The following LY9 variants were observed in gnomAD, a reference collection of about 807,000 sequenced individuals.
LY9 encodes lymphocyte antigen 9, also known as T-lymphocyte surface antigen Ly-9.
Under a neutral mutation model 64.6 loss-of-function variants are expected in LY9, and 59 were observed. The observed-to-expected ratio is 0.91, with a 90% confidence interval of 0.74 to 1.13. The LOEUF (loss-of-function observed/expected upper bound fraction) is 1.13, where lower values mean the gene tolerates loss of function less well. Ranked by LOEUF, LY9 falls within the 50% of genes most tolerant of loss-of-function variation. LY9 has a pLI of 0.00. For missense variants in LY9, 789 were observed against 797.2 expected (o/e 0.99, Z 0.12); for synonymous variants, 281 against 308.5 (o/e 0.91, Z 0.93).
rs2101847884 is a variant in LY9, at chr1:160,827,802, G to A, written c.1954G>A (p.Glu652Lys). Residue 652 changes from glutamate (E) to lysine (K), a missense_variant, in exon 10 of 10, where the codon GAA becomes AAA. Transcript: ENST00000263285. ...DLEIPESPTY[E>K]NFT ...TGAGATTCCTGAAAGTCCTACCTATGAAAATTTCACCTGAAAGGAAAAGCA... is the reference window on the plus strand; with the variant it reads ...TGAGATTCCTGAAAGTCCTACCTATAAAAATTTCACCTGAAAGGAAAAGCA... 6.2e-7 allele frequency: 1 copy of A among 1,607,214 alleles called. No homozygotes were observed. Among genetic ancestry groups the A allele is most frequent in the Non-Finnish European group, 8.5e-7 (1 of 1,177,014 alleles).
chr1:160,822,178 G>A (rs764247786), intron 7 of LY9, among the ~76,000 whole-genome samples: 3 of 152,196 alleles, frequency 2.0e-5, no homozygotes, highest in South Asian at 2.1e-4. Context: ...GTTTAGGAGC[G>A]GACGTTCAAT....
Position 160,799,409 on chromosome 1 carries a change from C to A in LY9, c.125-344C>A, listed in dbSNP as rs181284756. 4.8e-4 allele frequency: 93 copies of A among 193,838 alleles called. No homozygotes were observed. The South Asian group carries it at 6.3e-3, about 13-fold the overall frequency. 12.0% of individuals were successfully genotyped at this position (193,838 alleles called of 1,614,324 possible). A position where few individuals can be genotyped will look rare whatever the true frequency, so the allele number is the denominator to read the frequency against. ...CTTTCATTTCATTTTTACCATATCC[C>A]TTGAAGAAAATGGTGCAGGTATGAG... On this transcript the variant is annotated intron_variant, in intron 1 of 9. Coordinates refer to ENST00000263285, the MANE Select transcript of LY9 (RefSeq NM_002348.4).
At chr1:160,798,502 C>T (rs893924084) in intron 1 of LY9, among the ~76,000 whole-genome samples, 1 of 152,172 alleles carries the variant, frequency 6.6e-6, no homozygotes, top group African/African-American at 2.4e-5. Context: ...GGGAAGAGCT[C>T]TCTTTTAGAA....
At chr1:160,810,276 A>G (rs1251558860) in intron 2 of LY9, 2 of 152,250 alleles carry the variant, frequency 1.3e-5, no homozygotes, top group African/African-American at 2.4e-5. Context: ...GGATGCCATA[A>G]CAGAATATCC....
At chr1:160,823,320 CT>C in intron 7 of LY9, 144 bp from the exon 8 acceptor site, 1 of 582,166 alleles carries the variant, frequency 1.7e-6, no homozygotes, top group East Asian at 2.8e-5. Flanking sequence ...AATGGACCCC[CT>C]GAGGGAAGAC....
chr1:160,796,487 G>A (rs969889373), intron 1 of LY9, among the ~76,000 whole-genome samples, 176 bp downstream of exon 1: 4 of 152,056 alleles, frequency 2.6e-5, no homozygotes, highest in Admixed American at 6.5e-5. Context: ...CCACCTCCTG[G>A]GTTCAAGCGA....
At chr1:160,826,205 G>A (rs1668843310) in intron 9 of LY9, among the ~76,000 whole-genome samples, 1 of 152,192 alleles carries the variant, frequency 6.6e-6, no homozygotes, top group African/African-American at 2.4e-5. Flanking sequence ...TCATTAAGTG[G>A]AATTGGATCA....
intron 2 of LY9, chr1:160,812,442 G>A (rs1027290647): frequency 8.0e-5 from 10 of 124,634 alleles, no homozygotes; most frequent in African/African-American, 1.4e-4. Flanking sequence ...TAATTTGACC[G>A]TTTTCATTGA....
At chr1:160,805,755 A>T (rs967632510) in intron 2 of LY9, among the ~76,000 whole-genome samples, 15 of 140,844 alleles carry the variant, frequency 1.1e-4, no homozygotes, top group African/African-American at 3.9e-4. Context: ...ACACACACAC[A>T]CACACACACA....
rs150967542 is a variant in LY9 at position 160,799,827 on chromosome 1, C to T, written c.199C>T (p.Leu67=). ...CCTAGGGGGTTCCGTGACTCTCCCCCTAAACATCTCAGTAGACACAGAGAT... is the reference window on the plus strand; with the variant it reads ...CCTAGGGGGTTCCGTGACTCTCCCCTTAAACATCTCAGTAGACACAGAGAT... The part of the protein sequence containing the change: ...GILGGSVTLP[L]NISVDTEIEN... The change falls in exon 2 of 10, where the codon CTA becomes TTA. Residue 67 remains leucine, a synonymous_variant. Coordinates refer to ENST00000263285, the MANE Select transcript of LY9 (RefSeq NM_002348.4). 370 of 1,614,128 alleles carry T rather than the reference C, an allele frequency of 2.3e-4. 1 individual carries two copies. Among genetic ancestry groups the T allele is most frequent in the Admixed American group, 3.8e-4 (23 of 60,030 alleles).
In LY9 at chr1:160,818,109, C is replaced by A. The variant is rs1242065666; in HGVS notation, c.1343-109C>A. 1.3e-5 allele frequency: 9 copies of A among 713,926 alleles called. No individual in the cohort carries two copies. In the Admixed American group the frequency reaches 2.0e-4, roughly 16 times the overall value. The allele number at this position is 713,926 out of a possible 1,614,324, so 44.2% of individuals were successfully genotyped here. On this transcript the variant is annotated intron_variant, in intron 5 of 9. Transcript: ENST00000263285. ...GAATGAAAAGAAAGACTTTCCACAA[C>A]GTCATGGATTTTAAGGGGCAGGTAG...
At position 160,827,830 on chromosome 1, in the gene LY9, T is replaced by G; in HGVS notation, c.*14T>G. 2.5e-6 allele frequency: 4 copies of G among 1,606,082 alleles called. No homozygotes were observed. The highest frequency in any genetic ancestry group is 3.4e-6 in the Non-Finnish European group (4 of 1,175,776). ...AATTTCACCTGAAAGGAAAAGCAGC[T>G]GCTGCCTCTCTCCTGGGACCGTGGG... On this transcript the variant is annotated 3_prime_UTR_variant, in exon 10 of 10. Coordinates refer to ENST00000263285, the MANE Select transcript of LY9 (RefSeq NM_002348.4).
rs1346778884 is a variant in LY9 at position 160,818,268 on chromosome 1, C to T, written c.1393C>T (p.Leu465Phe). 1 of 1,614,098 alleles carries T rather than the reference C, an allele frequency of 6.2e-7. No individual in the cohort carries two copies. Among genetic ancestry groups the T allele is most frequent in the Non-Finnish European group, 8.5e-7 (1 of 1,179,998 alleles). Residue 465 changes from leucine (L) to phenylalanine (F), a missense_variant, in exon 6 of 10, where the codon CTT becomes TTT. Transcript: ENST00000263285. ...LWIGLFLMVC[L>F]LCVGIFSWCI... ...GATTGGGTTGTTCCTGATGGTTTGC[C>T]TTCTGTGCGTTGGGATCTTCAGCTG... is the stretch of plus-strand genomic sequence containing the variant.
At chr1:160,827,593 T>A (rs1668926872) in intron 9 of LY9, among the ~76,000 whole-genome samples, 155 bp from the exon 10 acceptor site, 1 of 152,206 alleles carries the variant, frequency 6.6e-6, no homozygotes, top group Admixed American at 6.5e-5. Context: ...ATGCTTGGCA[T>A]CAGGCTGGTT....
rs987350248 is a variant in LY9 at position 160,827,974 on chromosome 1, A to G, written c.*158A>G. The G allele has an allele frequency of 1.7e-6, 1 of 590,504 alleles. No individual in the cohort carries two copies. The highest frequency in any genetic ancestry group is 3.0e-6 in the Non-Finnish European group (1 of 332,726). 36.6% of individuals were successfully genotyped at this position (590,504 alleles called of 1,614,324 possible). A position where few individuals can be genotyped will look rare whatever the true frequency, so the allele number is the denominator to read the frequency against. ...CCCCTCCCCCTCCTTCTCACCCTTAAGGACTCCCAAACCCATTAATAGTTC... is the reference window on the plus strand; with the variant it reads ...CCCCTCCCCCTCCTTCTCACCCTTAGGGACTCCCAAACCCATTAATAGTTC... On this transcript the variant is annotated 3_prime_UTR_variant, in exon 10 of 10. Transcript: ENST00000263285.
intron 1 of LY9, among the ~76,000 whole-genome samples, chr1:160,796,757 A>G (rs1433837752): frequency 2.0e-5 from 3 of 152,180 alleles, no homozygotes; most frequent in Non-Finnish European, 1.5e-5. Flanking sequence ...TGCACTATGA[A>G]GGGGGTAACA....
chr1:160,818,543 GGA>G (rs1230783383), intron 6 of LY9, among the ~76,000 whole-genome samples: 2 of 152,202 alleles, frequency 1.3e-5, no homozygotes, highest in East Asian at 1.9e-4. Flanking sequence ...GTGGGAGCAG[GGA>G]GAGTGATTTA....
At chr1:160,824,090 CA>C in intron 8 of LY9, 90 bp from the exon 9 acceptor site, 1 of 1,532,038 alleles carries the variant, frequency 6.5e-7, no homozygotes, top group Non-Finnish European at 8.9e-7. Context: ...GATGGGAAGC[CA>C]GGGGGTATCC....
intron 2 of LY9, chr1:160,809,790 C>T (rs1667325962): frequency 6.6e-6 from 1 of 152,132 alleles, no homozygotes; most frequent in Admixed American, 6.5e-5. Flanking sequence ...TCAAACATTT[C>T]TTTGTTGATA....
Sources: gnomAD v4.1 joint callset for allele counts (sites outside exome capture counted in the v4.1 genomes callset) on GRCh38, gnomAD v4.1.1 for gene constraint, MANE v1.5 for transcripts, NCBI Gene and HGNC (gene_info 2026-07-23, HGNC 2026-07-21) for gene names.